The following ADAMTS6 variants were observed in gnomAD, a reference collection of about 807,000 sequenced individuals.
The protein encoded by ADAMTS6 is ADAM metallopeptidase with thrombospondin type 1 motif 6, also known as A disintegrin and metalloproteinase with thrombospondin motifs 6.
A neutral mutation model predicts 144.3 loss-of-function variants in ADAMTS6; 23 were observed. That is an observed-to-expected ratio of 0.16 (90% CI 0.11 to 0.23). The LOEUF (loss-of-function observed/expected upper bound fraction) is 0.23, where lower values mean the gene tolerates loss of function less well. Ranked by LOEUF, ADAMTS6 falls within the 10% of genes least tolerant of loss-of-function variation. The pLI is 1.00. For synonymous variants in ADAMTS6, 444 were observed against 457.5 expected, an observed-to-expected ratio of 0.97 and a Z score of 0.38; for missense variants, 999 against 1,379.6, an observed-to-expected ratio of 0.72 and a Z score of 4.37.
chr5:65,325,934 T>C (rs1461201766), intron 9 of ADAMTS6, among the ~76,000 whole-genome samples: 2 of 152,146 alleles, frequency 1.3e-5, no homozygotes, highest in African/African-American at 4.8e-5. Context: ...TATACAATAG[T>C]AGAAACAGTG....
At chr5:65,274,489 C>T (rs907389963) in intron 11 of ADAMTS6, among the ~76,000 whole-genome samples, 1 of 151,840 alleles carries the variant, frequency 6.6e-6, no homozygotes, top group African/African-American at 2.4e-5. Flanking sequence ...TTTTAACTCC[C>T]AAAACATAAG....
Position 65,343,406 on chromosome 5 carries a change from T to C in ADAMTS6, c.1074-9321A>G, listed in dbSNP as rs146197016. Among the ~76,000 whole-genome samples, 98 of 152,116 alleles carry C rather than the reference T, an allele frequency of 6.4e-4. No homozygotes were observed. In the Middle Eastern group the frequency reaches 0.014, roughly 21 times the overall value. ...ATTAATCCACGTATATACGGCCAAT[T>C]GATTTTTGACAAAGGTGCCAAGAAC... On this transcript the variant is annotated intron_variant, in intron 7 of 24. Transcript: ENST00000381055.
intron 15 of ADAMTS6, among the ~76,000 whole-genome samples, chr5:65,228,964 A>G (rs1580121777): frequency 6.6e-6 from 1 of 152,156 alleles, no homozygotes; most frequent in East Asian, 1.9e-4. Context: ...CCTATGGGCC[A>G]CCTCATAACT....
intron 14 of ADAMTS6, among the ~76,000 whole-genome samples, chr5:65,247,245 C>G (rs1008884004): frequency 6.6e-5 from 10 of 152,206 alleles, no homozygotes; most frequent in Non-Finnish European, 7.3e-5. Context: ...TATCACCACT[C>G]TCTTTCCCAG....
chr5:65,243,636 A>ATATGT (rs2112503067), intron 14 of ADAMTS6, among the ~76,000 whole-genome samples: 1 of 152,166 alleles, frequency 6.6e-6, no homozygotes, highest in Admixed American at 6.5e-5. Context: ...GGCTGGAAGG[A>ATATGT]TATGTTTTCA....
In ADAMTS6 at chr5:65,460,320, C is replaced by T. The variant is rs1407906606; in HGVS notation, c.481G>A (p.Glu161Lys). 1.9e-6 allele frequency: 3 copies of T among 1,611,900 alleles called. No individual in the cohort carries two copies. Among genetic ancestry groups the T allele is most frequent in the South Asian group, 2.2e-5 (2 of 90,530 alleles). The change falls in exon 4 of 25, where the codon GAA becomes AAA. Residue 161 changes from glutamate (E) to lysine (K), a missense_variant. Glu to Lys is a moderately conservative substitution (Grantham distance 56). Around this residue, in one of 3 missense-constraint regions of ADAMTS6, gnomAD observed 252 missense variants for 293.7 expected, o/e 0.86. Transcript: ENST00000381055. ...CVGLHGVIAT[E>K]DEEYFIEPLK... is the part of the protein sequence containing the mutation. ...GGTTCGATAAAATACTCTTCATCTTCTGTAGCAATAACACCATGCTAAAAG... is the reference window on the plus strand; with the variant it reads ...GGTTCGATAAAATACTCTTCATCTTTTGTAGCAATAACACCATGCTAAAAG...
At chr5:65,340,007 G>C (rs1291105969) in intron 7 of ADAMTS6, among the ~76,000 whole-genome samples, 2 of 152,100 alleles carry the variant, frequency 1.3e-5, no homozygotes, top group African/African-American at 2.4e-5. Flanking sequence ...AAAGTCTTAG[G>C]AGAGAGTCCA....
At chr5:65,430,870 A>G (rs1319720297) in intron 7 of ADAMTS6, among the ~76,000 whole-genome samples, 1 of 152,142 alleles carries the variant, frequency 6.6e-6, no homozygotes, top group Non-Finnish European at 1.5e-5. Context: ...AGTTATCTCA[A>G]CAGACTTTTC....
At chr5:65,370,126 G>A (rs1234964477) in intron 7 of ADAMTS6, among the ~76,000 whole-genome samples, 1 of 152,082 alleles carries the variant, frequency 6.6e-6, no homozygotes, top group Non-Finnish European at 1.5e-5. Context: ...AGAAATAAAA[G>A]CGGCCAGGCA....
At chr5:65,161,970 A>G (rs146034695) in intron 24 of ADAMTS6, among the ~76,000 whole-genome samples, 1 of 152,336 alleles carries the variant, frequency 6.6e-6, no homozygotes, top group East Asian at 1.9e-4. Context: ...AAGTCTAAAT[A>G]TATTGTTTTT....
intron 24 of ADAMTS6, among the ~76,000 whole-genome samples, chr5:65,169,873 C>G (rs1005347470): frequency 1.7e-5 from 2 of 116,216 alleles, no homozygotes; most frequent in African/African-American, 7.5e-5. Context: ...ATATCACACT[C>G]TGGGGACTGT....
intron 24 of ADAMTS6, among the ~76,000 whole-genome samples, chr5:65,161,909 G>A (rs1312140046): frequency 6.6e-6 from 1 of 152,078 alleles, no homozygotes. Context: ...TCTAACATGA[G>A]TCATACTTTG....
In ADAMTS6 at chr5:65,481,279, G is replaced by A. The variant is rs1761184294; in HGVS notation, c.-280+64C>T. ...TTTCTAAGCGTTATTCGGAAGACAA[G>A]CAAAGCACAAGTTGTTGGTTTAAAA... On this transcript the variant is annotated intron_variant, in intron 1 of 24. Coordinates refer to ENST00000381055, the MANE Select transcript of ADAMTS6 (RefSeq NM_197941.4). 2 of 144,492 alleles carry A rather than the reference G, an allele frequency of 1.4e-5. 1 individual carries two copies. Among genetic ancestry groups the A allele is most frequent in the South Asian group, 4.4e-4 (2 of 4,568 alleles). 9.0% of individuals were successfully genotyped at this position (144,492 alleles called of 1,614,324 possible).
At chr5:65,353,163 G>A (rs1044009960) in intron 7 of ADAMTS6, among the ~76,000 whole-genome samples, 2 of 151,936 alleles carry the variant, frequency 1.3e-5, no homozygotes, top group Non-Finnish European at 2.9e-5. Flanking sequence ...CAGAAACATT[G>A]TTAATATTAA....
intron 12 of ADAMTS6, among the ~76,000 whole-genome samples, chr5:65,272,374 G>C (rs1187752922): frequency 6.6e-6 from 1 of 151,910 alleles, no homozygotes; most frequent in African/African-American, 2.4e-5. Context: ...TTTTTTTAGA[G>C]ACAGAGTCTC....
At chr5:65,333,997 T>TAAAAAAAAAAAAAAAAA (rs750637450) in intron 8 of ADAMTS6, 45 bp downstream of exon 8, 514 of 842,198 alleles carry the variant, frequency 6.1e-4, no homozygotes, top group Middle Eastern at 1.7e-3. Flanking sequence ...CTACCTTTAT[T>TAAAAAAAAAAAAAAAAA]AAAAAAAAAA....
rs575910632 is a variant in ADAMTS6, at chr5:65,446,989, T to C, written c.1073+4486A>G. ...TTATATCTCAATAAAGCTGTTACCA[T>C]AAAAAGAACTTGGGCTATAATTTCT... is the stretch of plus-strand genomic sequence containing the variant. On this transcript the variant is annotated intron_variant, in intron 7 of 24. Transcript: ENST00000381055. 6.6e-5 allele frequency among the ~76,000 whole-genome samples: 10 copies of C among 152,246 alleles called. 1 individual carries two copies. The South Asian group carries it at 1.7e-3, about 25-fold the overall frequency.
chr5:65,210,760 G>T, intron 20 of ADAMTS6: 1 of 626,036 alleles, frequency 1.6e-6, no homozygotes, highest in Non-Finnish European at 3.0e-6. Context: ...CTTAATGGAG[G>T]AAGATGAAGA....
intron 21 of ADAMTS6, among the ~76,000 whole-genome samples, chr5:65,193,673 T>C (rs1755152379): frequency 4.6e-5 from 7 of 152,126 alleles, no homozygotes; most frequent in Admixed American, 4.6e-4. Flanking sequence ...AATTGGACAA[T>C]GTGATCTCAA....
Sources: allele counts gnomAD v4.1 joint callset (sites outside exome capture counted in the v4.1 genomes callset), GRCh38; gene constraint gnomAD v4.1.1; regional missense constraint gnomAD v4.1.1; transcripts MANE v1.5; gene names NCBI Gene and HGNC (gene_info 2026-07-23, HGNC 2026-07-21).